Variants in DOCK4 observed in about 807,000 individuals in gnomAD.
The protein encoded by DOCK4 is dedicator of cytokinesis protein 4.
Under a neutral mutation model 268.1 loss-of-function variants are expected in DOCK4, and 97 were observed. That is an observed-to-expected ratio of 0.36 (90% CI 0.31 to 0.43). The LOEUF (loss-of-function observed/expected upper bound fraction) is 0.43, where lower values mean the gene tolerates loss of function less well. DOCK4 is among the 20% of genes least tolerant of loss of function. The probability of loss-of-function intolerance (pLI) is 1.00; values close to 1 mark genes in which losing one functional copy is unlikely to be tolerated. For synonymous variants in DOCK4, 954 were observed against 887.2 expected (o/e 1.08, Z -1.34); for missense variants, 2,145 against 2,455.7 (o/e 0.87, Z 2.67).
chr7:111,761,545 T>C (rs983883438), intron 39 of DOCK4, among the ~76,000 whole-genome samples: 41 of 151,922 alleles, frequency 2.7e-4, no homozygotes, highest in African/African-American at 9.9e-4. Context: ...TAAGGGGAGA[T>C]CAGTTTGGGG....
intron 26 of DOCK4, among the ~76,000 whole-genome samples, chr7:111,833,923 A>T (rs1474993450): frequency 6.6e-6 from 1 of 152,210 alleles, no homozygotes; most frequent in Non-Finnish European, 1.5e-5. Flanking sequence ...CAGAAAACTG[A>T]AGAGATGGAA....
chr7:111,788,032 T>C (rs1047562645), intron 32 of DOCK4, among the ~76,000 whole-genome samples: 4 of 152,212 alleles, frequency 2.6e-5, no homozygotes, highest in Non-Finnish European at 5.9e-5. Flanking sequence ...ATTCATCCTG[T>C]GGCTATGATC....
In DOCK4 at chr7:111,895,687, C is replaced by A. The variant is rs775691543; in HGVS notation, c.1512G>T (p.Gly504=). The A allele has an allele frequency of 1.2e-6, 2 of 1,613,748 alleles. No homozygotes were observed. The highest frequency in any genetic ancestry group is 1.7e-6 in the Non-Finnish European group (2 of 1,179,842). Reference sequence around the variant, plus strand: ...CTTGCATCAGAGGGACAAAAGAAAACCCAAACAACTTCTTCTCTCCTTTCT... The same window carrying A: ...CTTGCATCAGAGGGACAAAAGAAAAACCAAACAACTTCTTCTCTCCTTTCT... ...TKEKGEKKLF[G]FSFVPLMQED... Residue 504 remains glycine, a synonymous_variant, in exon 16 of 53, where the codon GGG becomes GGT. Transcript: ENST00000428084.
At chr7:112,088,051 A>G (rs1809278455) in intron 1 of DOCK4, among the ~76,000 whole-genome samples, 1 of 152,182 alleles carries the variant, frequency 6.6e-6, no homozygotes, top group South Asian at 2.1e-4. Flanking sequence ...GAAAGGCAGT[A>G]GACAAGCAGG....
At chr7:111,791,717 G>C (rs1466562749) in intron 30 of DOCK4, among the ~76,000 whole-genome samples, 1 of 152,086 alleles carries the variant, frequency 6.6e-6, no homozygotes, top group Non-Finnish European at 1.5e-5. Flanking sequence ...CAAAGTGCTA[G>C]GATTACAGGC....
intron 1 of DOCK4, among the ~76,000 whole-genome samples, chr7:112,101,818 G>C (rs1000481443): frequency 6.6e-6 from 1 of 150,618 alleles, no homozygotes; most frequent in African/African-American, 2.4e-5. Context: ...AAATGCTAAG[G>C]TTCTGAGACC....
Position 111,872,257 on chromosome 7 carries a change from A to T in DOCK4, c.1926+12T>A, listed in dbSNP as rs1430943121. 6.6e-7 allele frequency: 1 copy of T among 1,517,174 alleles called. No homozygotes were observed. The highest frequency in any genetic ancestry group is 2.2e-5 in the Admixed American group (1 of 45,904). 94.0% of individuals were successfully genotyped at this position (1,517,174 alleles called of 1,614,324 possible). On this transcript the variant is annotated intron_variant, in intron 19 of 52. Transcript: ENST00000428084. ...AAACAGTTAAAATACAATTAAGGGAATTTGAACTTACCAAAGAATCAAACA... is the reference window on the plus strand; with the variant it reads ...AAACAGTTAAAATACAATTAAGGGATTTTGAACTTACCAAAGAATCAAACA...
chr7:112,196,806 T>C (rs1820491449), intron 1 of DOCK4, among the ~76,000 whole-genome samples: 1 of 152,214 alleles, frequency 6.6e-6, no homozygotes, highest in Admixed American at 6.5e-5. Flanking sequence ...TATATTTAAG[T>C]TGTACAAACT....
intron 42 of DOCK4, among the ~76,000 whole-genome samples, chr7:111,753,265 A>C (rs936110745): frequency 6.6e-6 from 1 of 152,178 alleles, no homozygotes; most frequent in Admixed American, 6.5e-5. Context: ...GTTTCAGCCC[A>C]GGAGCTCAAG....
intron 23 of DOCK4, among the ~76,000 whole-genome samples, chr7:111,859,375 T>C (rs182036732): frequency 2.0e-5 from 3 of 152,164 alleles, no homozygotes; most frequent in Non-Finnish European, 4.4e-5. Context: ...ATGAGTCTTA[T>C]TTCCATATTT....
chr7:112,148,783 T>C (rs1320298397), intron 1 of DOCK4, among the ~76,000 whole-genome samples: 1 of 152,198 alleles, frequency 6.6e-6, no homozygotes, highest in Admixed American at 6.5e-5. Flanking sequence ...TCCCAGATCC[T>C]AAAATGATTC....
chr7:111,798,786 C>T (rs978315959), intron 30 of DOCK4, among the ~76,000 whole-genome samples: 4 of 152,210 alleles, frequency 2.6e-5, no homozygotes, highest in Non-Finnish European at 5.9e-5. Flanking sequence ...TTGAATTAAG[C>T]AAAGGAAAGG....
At chr7:112,182,747 ACT>A (rs1205471126) in intron 1 of DOCK4, among the ~76,000 whole-genome samples, 1 of 152,212 alleles carries the variant, frequency 6.6e-6, no homozygotes, top group Non-Finnish European at 1.5e-5. Context: ...TGGCCAATAA[ACT>A]CTGCATGAAA....
intron 48 of DOCK4, 51 bp from the exon 49 acceptor site, chr7:111,739,294 C>CTGTT: frequency 1.3e-6 from 2 of 1,597,108 alleles, no homozygotes; most frequent in East Asian, 4.5e-5. Flanking sequence ...GGTGCTGCAC[C>CTGTT]TGTTTGGAGG....
chr7:112,091,339 G>A (rs1173451967), intron 1 of DOCK4, among the ~76,000 whole-genome samples: 2 of 152,132 alleles, frequency 1.3e-5, no homozygotes, highest in Admixed American at 6.6e-5. Context: ...CTTGGATTGG[G>A]GGTAGGTCAG....
rs1801589662 is a variant in DOCK4, at chr7:112,013,990, G to A, written c.38-9859C>T. Reference sequence around the variant, plus strand: ...ATGACACCTAGTGGGTACTCAACAAGTGTCAGTTAAATATATAATGGGATG... The same window carrying A: ...ATGACACCTAGTGGGTACTCAACAAATGTCAGTTAAATATATAATGGGATG... On this transcript the variant is annotated intron_variant, in intron 1 of 52. Transcript: ENST00000428084. Among the ~76,000 whole-genome samples the A allele has an allele frequency of 2.0e-5, 3 of 152,172 alleles. No homozygotes were observed. In the South Asian group the frequency reaches 6.2e-4, roughly 32 times the overall value.
At chr7:111,816,598 CA>C (rs1479891039) in intron 27 of DOCK4, among the ~76,000 whole-genome samples, 2 of 152,048 alleles carry the variant, frequency 1.3e-5, no homozygotes, top group Non-Finnish European at 2.9e-5. Context: ...ACTGGTGTTA[CA>C]CATGGAAGAG....
At chr7:112,133,319 C>T (rs1367681647) in intron 1 of DOCK4, among the ~76,000 whole-genome samples, 1 of 152,164 alleles carries the variant, frequency 6.6e-6, no homozygotes, top group East Asian at 1.9e-4. Flanking sequence ...CTGTTCCACT[C>T]CACAAATGTT....
At chr7:111,836,314 G>T (rs1221104284) in intron 25 of DOCK4, among the ~76,000 whole-genome samples, 1 of 151,892 alleles carries the variant, frequency 6.6e-6, no homozygotes, top group East Asian at 1.9e-4. Flanking sequence ...TACTCCTAGA[G>T]TAATGCTGTT....
Sources: allele counts gnomAD v4.1 joint callset (sites outside exome capture counted in the v4.1 genomes callset), GRCh38; gene constraint gnomAD v4.1.1; transcripts MANE v1.5; gene names NCBI Gene and HGNC (gene_info 2026-07-23, HGNC 2026-07-21).